Variants in CTNND2 observed in about 807,000 individuals in gnomAD.
The protein encoded by CTNND2 is catenin delta 2.
In CTNND2, 22 loss-of-function variants were observed where a neutral mutation model predicts 144.4. That is an observed-to-expected ratio of 0.15 (90% CI 0.11 to 0.22). CTNND2 has a LOEUF of 0.22. Among genes scored for constraint, CTNND2 ranks in the 10% least tolerant of loss-of-function variants. The pLI is 1.00. For synonymous variants in CTNND2, 751 were observed against 695.6 expected (o/e 1.08, Z -1.25); for missense variants, 1,353 against 1,618.8 (o/e 0.84, Z 2.82).
chr5:11,683,309 T>G (rs1412577762), intron 2 of CTNND2, among the ~76,000 whole-genome samples: 1 of 152,218 alleles, frequency 6.6e-6, no homozygotes, highest in Non-Finnish European at 1.5e-5. Flanking sequence ...TGAAAGAATT[T>G]TAAGTATTCT....
chr5:11,389,675 T>C (rs879621631), intron 6 of CTNND2, among the ~76,000 whole-genome samples: 1 of 152,172 alleles, frequency 6.6e-6, no homozygotes, highest in Non-Finnish European at 1.5e-5. Context: ...GTACTCAAGT[T>C]TGATGCATTA....
At chr5:11,477,498 A>C (rs1432237522) in intron 3 of CTNND2, among the ~76,000 whole-genome samples, 1 of 151,960 alleles carries the variant, frequency 6.6e-6, no homozygotes, top group Non-Finnish European at 1.5e-5. Flanking sequence ...TGTAATCTCA[A>C]ACTCCTGGGC....
chr5:11,832,934 C>A (rs1002161453), intron 1 of CTNND2, among the ~76,000 whole-genome samples: 1 of 152,042 alleles, frequency 6.6e-6, no homozygotes, highest in Non-Finnish European at 1.5e-5. Flanking sequence ...GAGTGAGACC[C>A]TGTCTCTAAA....
chr5:11,405,047 T>C (rs902555712), intron 5 of CTNND2, among the ~76,000 whole-genome samples: 1 of 152,114 alleles, frequency 6.6e-6, no homozygotes, highest in East Asian at 1.9e-4. Context: ...GCTGGCAGCG[T>C]CTTTGCTTTT....
At chr5:11,859,884 A>G (rs1359369869) in intron 1 of CTNND2, among the ~76,000 whole-genome samples, 1 of 152,170 alleles carries the variant, frequency 6.6e-6, no homozygotes, top group Non-Finnish European at 1.5e-5. Flanking sequence ...CTTAACACCT[A>G]TACTTACCAC....
At chr5:11,717,573 T>TG (rs1353880082) in intron 2 of CTNND2, among the ~76,000 whole-genome samples, 29 of 132,244 alleles carry the variant, frequency 2.2e-4, no homozygotes, top group African/African-American at 8.4e-4. Context: ...CAAGAGACTG[T>TG]GAAAAAAAAA....
chr5:11,888,022 T>A (rs1331958361), intron 1 of CTNND2, among the ~76,000 whole-genome samples: 1 of 152,222 alleles, frequency 6.6e-6, no homozygotes, highest in African/African-American at 2.4e-5. Flanking sequence ...AATTATATTT[T>A]AATGCTTTCA....
intron 1 of CTNND2, among the ~76,000 whole-genome samples, chr5:11,772,952 A>C (rs529014685): frequency 6.6e-6 from 1 of 152,366 alleles, no homozygotes; most frequent in South Asian, 2.1e-4. Flanking sequence ...AGAGAAATGC[A>C]TCTTTTTCTC....
chr5:10,988,817 T>C lies in CTNND2; in HGVS notation c.3212-575A>G, dbSNP rs1738338746. ...TAACCAAGCCCACAAAGACCTTCTTTGTCTGTGGCTGGGGTGGGCTGGGGA... is the reference window on the plus strand; with the variant it reads ...TAACCAAGCCCACAAAGACCTTCTTCGTCTGTGGCTGGGGTGGGCTGGGGA... On this transcript the variant is annotated intron_variant, in intron 19 of 21. Transcript: ENST00000304623. The surrounding 1 kb of genome is among the most constrained non-coding windows in gnomAD (Gnocchi z 5.9). Among the ~76,000 whole-genome samples, 1 of 151,992 alleles carries C rather than the reference T, an allele frequency of 6.6e-6. No individual in the cohort carries two copies.
At chr5:11,880,657 T>TAC (rs1735997576) in intron 1 of CTNND2, among the ~76,000 whole-genome samples, 21 of 96,356 alleles carry the variant, frequency 2.2e-4, no homozygotes, top group African/African-American at 7.5e-4. Flanking sequence ...ACTACTACTA[T>TAC]CACCACTACT....
chr5:11,254,487 G>T (rs1744010549), intron 9 of CTNND2, among the ~76,000 whole-genome samples: 1 of 152,140 alleles, frequency 6.6e-6, no homozygotes, highest in South Asian at 2.1e-4. Flanking sequence ...CAAATTTTCT[G>T]GTGCTCTTTA....
chr5:11,737,615 A>G (rs1787762941), intron 1 of CTNND2, among the ~76,000 whole-genome samples: 1 of 152,158 alleles, frequency 6.6e-6, no homozygotes, highest in Admixed American at 6.6e-5. Context: ...ATGCCCACAC[A>G]TGCATGAGCA....
At chr5:11,545,683 A>C (rs1042748969) in intron 3 of CTNND2, among the ~76,000 whole-genome samples, 12 of 150,292 alleles carry the variant, frequency 8.0e-5, no homozygotes, top group Non-Finnish European at 1.5e-5. Flanking sequence ...AAAAAAAAAA[A>C]AGGAAGAACA....
At chr5:11,738,858 G>C (rs1787842773) in intron 1 of CTNND2, among the ~76,000 whole-genome samples, 1 of 152,036 alleles carries the variant, frequency 6.6e-6, no homozygotes, top group South Asian at 2.1e-4. Flanking sequence ...TATAAGCCAT[G>C]ACCTCTTATC....
intron 2 of CTNND2, among the ~76,000 whole-genome samples, chr5:11,731,494 A>C (rs1787387539): frequency 6.6e-6 from 1 of 152,214 alleles, no homozygotes; most frequent in Non-Finnish European, 1.5e-5. Context: ...CAGTAACTAA[A>C]AGAATCTTGA....
chr5:11,350,908 T>C (rs115377617), intron 8 of CTNND2, among the ~76,000 whole-genome samples: 1 of 152,184 alleles, frequency 6.6e-6, no homozygotes, highest in Non-Finnish European at 1.5e-5. Flanking sequence ...GTAGAGAATA[T>C]TAAATAAATG....
intron 18 of CTNND2, among the ~76,000 whole-genome samples, chr5:10,994,871 A>G (rs1739174583): frequency 6.6e-6 from 1 of 152,156 alleles, no homozygotes; most frequent in African/African-American, 2.4e-5. Flanking sequence ...GGAAGCGTGC[A>G]GATCTGGTAT....
At chr5:11,295,778 A>T (rs1354605417) in intron 9 of CTNND2, among the ~76,000 whole-genome samples, 1 of 152,212 alleles carries the variant, frequency 6.6e-6, no homozygotes, top group Non-Finnish European at 1.5e-5. Context: ...CTGCCTAGCC[A>T]TATGTAGAAA....
intron 9 of CTNND2, among the ~76,000 whole-genome samples, chr5:11,305,849 T>C (rs566680088): frequency 6.6e-6 from 1 of 152,288 alleles, no homozygotes; most frequent in South Asian, 2.1e-4. Context: ...GTGAGAAACA[T>C]GGGAGAATGT....
Sources: gnomAD v4.1 joint callset for allele counts (sites outside exome capture counted in the v4.1 genomes callset) on GRCh38, gnomAD v4.1.1 for gene constraint, Gnocchi (gnomAD v3.1) non-coding constraint, MANE v1.5 for transcripts, NCBI Gene and HGNC (gene_info 2026-07-23, HGNC 2026-07-21) for gene names.